CCT2: variants seen among roughly 807,000 people sequenced by gnomAD.
CCT2 encodes T-complex protein 1 subunit beta.
CCT2 carries 18 observed loss-of-function variants against 61.8 expected under a neutral mutation model. The observed-to-expected ratio is 0.29, with a 90% CI of 0.20 to 0.43. CCT2 has a LOEUF of 0.43. Ranked by LOEUF, CCT2 falls within the 20% of genes least tolerant of loss-of-function variation. The probability of loss-of-function intolerance (pLI) is 1.00; values close to 1 mark genes in which losing one functional copy is unlikely to be tolerated. For synonymous variants in CCT2, 248 were observed against 215.9 expected (o/e 1.15, Z -1.30); for missense variants, 556 against 656.9 (o/e 0.85, Z 1.68).
intron 15 of CCT2, 132 bp downstream of exon 15, chr12:69,600,136 A>G: frequency 1.2e-6 from 1 of 847,728 alleles, no homozygotes; most frequent in Non-Finnish European, 1.7e-6. Context: ...GTTATTTAAA[A>G]TATCACAACT....
chr12:69,586,247 T>C (rs765166456), intron 1 of CCT2, 23 bp from the exon 2 acceptor site: 49 of 1,562,190 alleles, frequency 3.1e-5, no homozygotes, highest in Non-Finnish European at 4.2e-5. Context: ...TTAAACGGAA[T>C]GCCTCTTGGT....
At chr12:69,599,092 A>G (rs1882077022) in intron 14 of CCT2, among the ~76,000 whole-genome samples, 1 of 152,138 alleles carries the variant, frequency 6.6e-6, no homozygotes, top group Non-Finnish European at 1.5e-5. Flanking sequence ...TGTTATTACT[A>G]TTATTATAAC....
At chr12:69,585,686 C>T (rs1881625896) in intron 1 of CCT2, 162 bp downstream of exon 1, 1 of 1,510,388 alleles carries the variant, frequency 6.6e-7, no homozygotes, top group Non-Finnish European at 8.9e-7. Context: ...TGCGCCAGGC[C>T]AGCCGGTGGA....
chr12:69,599,646 C>G (rs1882092018), intron 14 of CCT2: 1 of 284,090 alleles, frequency 3.5e-6, no homozygotes, highest in South Asian at 1.1e-4. Flanking sequence ...CTCAGCCTCC[C>G]AAAGTGCTGG....
chr12:69,588,340 CA>C, intron 6 of CCT2, 78 bp downstream of exon 6: 2 of 1,017,116 alleles, frequency 2.0e-6, no homozygotes, highest in Non-Finnish European at 3.0e-6. Context: ...ATCTATAGGA[CA>C]CTGAAAAGCA....
chr12:69,597,929 C>T, intron 12 of CCT2, 39 bp from the exon 13 acceptor site: 1 of 1,533,218 alleles, frequency 6.5e-7, no homozygotes, highest in East Asian at 2.3e-5. Context: ...TTGGAGACAA[C>T]TAAGCATTGC....
At chr12:69,590,205 A>C (rs1009338343) in intron 7 of CCT2, among the ~76,000 whole-genome samples, 1 of 152,112 alleles carries the variant, frequency 6.6e-6, no homozygotes, top group Non-Finnish European at 1.5e-5. Context: ...AGGATTTGAA[A>C]CCCATGTATA....
At position 69,597,646 on chromosome 12, in the gene CCT2, T is replaced by C; in HGVS notation, c.1111T>C (p.Cys371Arg). 1 of 1,613,550 alleles carries C rather than the reference T, an allele frequency of 6.2e-7. No homozygotes were observed. Among genetic ancestry groups the C allele is most frequent in the Non-Finnish European group, 8.5e-7 (1 of 1,179,842 alleles). The change falls in exon 12 of 16, where the codon TGT becomes CGT. Residue 371 changes from cysteine (C) to arginine (R), a missense_variant. By Grantham distance (180) the Cys-to-Arg change is radical. This residue lies in a region of CCT2 where 225 missense variants were observed against 249.8 expected (regional missense o/e 0.90). Coordinates refer to ENST00000299300, the MANE Select transcript of CCT2 (RefSeq NM_006431.3). Reference sequence around the variant, plus strand: ...GTGTCTTTTAATTTTAGGTGAGGCTTGTACCATTGTTTTGCGTGGTGCCAC... The same window carrying C: ...GTGTCTTTTAATTTTAGGTGAGGCTCGTACCATTGTTTTGCGTGGTGCCAC... ...HFSGVALGEA[C>R]TIVLRGATQQ...
intron 9 of CCT2, 89 bp from the exon 10 acceptor site, chr12:69,593,421 G>A (rs1035699110): frequency 2.4e-6 from 2 of 834,080 alleles, no homozygotes; most frequent in Non-Finnish European, 3.8e-6. Flanking sequence ...TCTTTTACTT[G>A]TGGTAAAAAT....
chr12:69,597,222 A>G lies in CCT2; in HGVS notation c.1049A>G (p.Glu350Gly), dbSNP rs1170039850. ...AAGCTTGGAAGTTGCAAACTTATCG[A>G]GGAAGTCATGATTGGAGAAGACAAA... ...LVKLGSCKLI[E>G]EVMIGEDKLI... is the part of the protein sequence containing the mutation. Residue 350 changes from glutamate (E) to glycine (G), a missense_variant, in exon 11 of 16, where the codon GAG (glutamate) becomes GGG (glycine). Physicochemically the swap from Glu to Gly is moderately conservative, Grantham distance 98. This residue lies in a region of CCT2 where 225 missense variants were observed against 249.8 expected (regional missense o/e 0.90). Coordinates refer to ENST00000299300, the MANE Select transcript of CCT2 (RefSeq NM_006431.3). The G allele has an allele frequency of 6.8e-6, 11 of 1,613,920 alleles. No individual in the cohort carries two copies. The highest frequency in any genetic ancestry group is 9.3e-6 in the Non-Finnish European group (11 of 1,179,936).
intron 2 of CCT2, 30 bp downstream of exon 2, chr12:69,586,374 GAT>G: frequency 6.6e-7 from 1 of 1,518,478 alleles, no homozygotes. Context: ...TTGTTTTAAA[GAT>G]AAAACTGGAG....
intron 8 of CCT2, 132 bp downstream of exon 8, chr12:69,592,291 C>A: frequency 4.1e-6 from 2 of 488,288 alleles, no homozygotes; most frequent in Non-Finnish European, 7.6e-6. Context: ...GCCTGACCAA[C>A]ATGGAGAAAC....
intron 6 of CCT2, chr12:69,589,282 C>CTTTTTTTTTTTTTTTT: frequency 1.8e-6 from 1 of 540,964 alleles, no homozygotes. Context: ...CCCCACCCCT[C>CTTTTTTTTTTTTTTTT]TTTTTTTTTT....
intron 8 of CCT2, 174 bp downstream of exon 8, chr12:69,592,333 A>C: frequency 3.2e-5 from 12 of 379,766 alleles, no homozygotes; most frequent in Non-Finnish European, 3.4e-5. Flanking sequence ...AAAATACAAA[A>C]TTAGCTGGGC....
At chr12:69,586,900 C>G in intron 3 of CCT2, 82 bp downstream of exon 3, 1 of 820,700 alleles carries the variant, frequency 1.2e-6, no homozygotes, top group Non-Finnish European at 1.9e-6. Context: ...TATTAAAATG[C>G]TTTTTAATCT....
In CCT2 at chr12:69,597,985, A is replaced by T. The variant is rs766530481; in HGVS notation, c.1249A>T (p.Met417Leu). The T allele has an allele frequency of 9.9e-6, 16 of 1,613,644 alleles. No individual in the cohort carries two copies. In the Admixed American group the frequency reaches 2.7e-4, roughly 27 times the overall value. The change falls in exon 13 of 16, where the codon ATG becomes TTG. Residue 417 changes from methionine (M) to leucine (L), a missense_variant. Coordinates refer to ENST00000299300, the MANE Select transcript of CCT2 (RefSeq NM_006431.3). ...ATCTTTAGGCTGTTCTGAGATGTTGATGGCTCATGCTGTGACACAGCTTGC... is the reference window on the plus strand; with the variant it reads ...ATCTTTAGGCTGTTCTGAGATGTTGTTGGCTCATGCTGTGACACAGCTTGC... ...VYGGGCSEMLMAHAVTQLANR... is the reference protein window; with the variant it reads ...VYGGGCSEMLLAHAVTQLANR...
intron 4 of CCT2, 77 bp from the exon 5 acceptor site, chr12:69,587,853 G>T: frequency 8.6e-7 from 1 of 1,158,940 alleles, no homozygotes. Context: ...GGTAAGTTTA[G>T]ATTGGTAGTG....
rs1241691874 is a variant in CCT2 at position 69,597,815 on chromosome 12, A to G, written c.1231+49A>G. On this transcript the variant is annotated intron_variant, in intron 12 of 15. Coordinates refer to ENST00000299300, the MANE Select transcript of CCT2 (RefSeq NM_006431.3). ...TATATTTTTAATTTCTTAAAGTACAATATAAGTCATAAGTGGTTTTAATGG... is the reference window on the plus strand; with the variant it reads ...TATATTTTTAATTTCTTAAAGTACAGTATAAGTCATAAGTGGTTTTAATGG... The G allele has an allele frequency of 2.6e-6, 4 of 1,538,148 alleles. 1 individual carries two copies. The South Asian group carries it at 3.5e-5, about 13-fold the overall frequency.
intron 8 of CCT2, 49 bp from the exon 9 acceptor site, chr12:69,592,927 C>A: frequency 5.7e-6 from 9 of 1,578,288 alleles, no homozygotes; most frequent in Non-Finnish European, 7.8e-6. Context: ...GACTCAATCT[C>A]AAAAAAAATA....
Sources: allele counts gnomAD v4.1 joint callset (sites outside exome capture counted in the v4.1 genomes callset), GRCh38; gene constraint gnomAD v4.1.1; regional missense constraint gnomAD v4.1.1; transcripts MANE v1.5; gene names NCBI Gene and HGNC (gene_info 2026-07-23, HGNC 2026-07-21).